The following OTOGL variants were observed in gnomAD, a reference collection of about 807,000 sequenced individuals.
OTOGL encodes the protein otogelin-like protein.
Under a neutral mutation model 318.5 loss-of-function variants are expected in OTOGL, and 285 were observed. That is an observed-to-expected ratio of 0.89 (90% CI 0.81 to 0.99). The LOEUF is 0.99. OTOGL is among the 50% of genes least tolerant of loss of function. OTOGL has a pLI of 0.00. For missense variants in OTOGL, 2,899 were observed against 2,845.6 expected, an observed-to-expected ratio of 1.02 and a Z score of -0.43; for synonymous variants, 987 against 936.5, an observed-to-expected ratio of 1.05 and a Z score of -0.99.
At chr12:80,220,318 T>G (rs2137348629) in intron 6 of OTOGL, among the ~76,000 whole-genome samples, 1 of 152,028 alleles carries the variant, frequency 6.6e-6, no homozygotes, top group East Asian at 1.9e-4. Context: ...CACCATCATG[T>G]CTGGCTAATT....
chr12:80,214,933 C>T (rs762911075), intron 4 of OTOGL, among the ~76,000 whole-genome samples: 58 of 152,190 alleles, frequency 3.8e-4, no homozygotes, highest in Non-Finnish European at 6.9e-4. Context: ...CATGTCACAC[C>T]TTAGCCTTGG....
chr12:80,125,594 A>C lies in OTOGL; in HGVS notation c.-20+25989A>C, dbSNP rs1870775599. Among the ~76,000 whole-genome samples, 4 of 152,104 alleles carry C rather than the reference A, an allele frequency of 2.6e-5. No individual in the cohort carries two copies. In the South Asian group the frequency reaches 8.3e-4, roughly 32 times the overall value. The stretch of plus-strand genomic sequence containing the variant: ...GATTCTCTCTTTTTCTATTGTTTGG[A>C]ATAGTTTCAGAAGGAATGGTACCAG... On this transcript the variant is annotated intron_variant, in intron 1 of 58. Transcript: ENST00000547103.
At chr12:80,273,122 A>G (rs542303619) in intron 24 of OTOGL, among the ~76,000 whole-genome samples, 38 of 152,158 alleles carry the variant, frequency 2.5e-4, no homozygotes, top group Non-Finnish European at 5.1e-4. Flanking sequence ...TTTACTGGCT[A>G]AATCTCATTA....
chr12:80,125,757 T>G (rs1253758958), intron 1 of OTOGL, among the ~76,000 whole-genome samples: 1 of 152,182 alleles, frequency 6.6e-6, no homozygotes, highest in Non-Finnish European at 1.5e-5. Flanking sequence ...TCTTCCTGGT[T>G]TAGTCTTCGG....
intron 11 of OTOGL, among the ~76,000 whole-genome samples, chr12:80,241,299 G>T (rs1880356072): frequency 6.6e-6 from 1 of 152,032 alleles, no homozygotes; most frequent in South Asian, 2.1e-4. Context: ...TATATGTATA[G>T]TCTCTAAATT....
At chr12:80,101,932 T>C (rs1347521591) in intron 1 of OTOGL, among the ~76,000 whole-genome samples, 1 of 152,234 alleles carries the variant, frequency 6.6e-6, no homozygotes, top group Non-Finnish European at 1.5e-5. Flanking sequence ...TCACATTTTT[T>C]ATTCCGGAGA....
chr12:80,194,857 G>A (rs923636989), intron 1 of OTOGL, among the ~76,000 whole-genome samples: 3 of 152,088 alleles, frequency 2.0e-5, no homozygotes, highest in Admixed American at 6.5e-5. Context: ...CATTGTACAA[G>A]CCACAAGCCA....
chr12:80,271,598 C>G, intron 23 of OTOGL, 50 bp from the exon 24 acceptor site: 1 of 1,554,618 alleles, frequency 6.4e-7, no homozygotes, highest in Non-Finnish European at 8.8e-7. Flanking sequence ...TCATATCTCC[C>G]ATGCCATGAC....
At chr12:80,364,181 T>G (rs552733555) in intron 52 of OTOGL, among the ~76,000 whole-genome samples, 32 of 152,272 alleles carry the variant, frequency 2.1e-4, no homozygotes, top group African/African-American at 7.5e-4. Context: ...CTTACCCAAA[T>G]ATACATAACC....
rs566610278 is a variant in OTOGL, at chr12:80,246,211, C to T, written c.1053-5482C>T. Among the ~76,000 whole-genome samples, 736 of 145,484 alleles carry T rather than the reference C, an allele frequency of 5.1e-3. 55 individuals carry two copies. The highest frequency in any genetic ancestry group is 0.018 in the African/African-American group (637 of 35,120). ...CTTCCAACACTATGTTGAATAGGAG[C>T]GGTGAGAGAGAGCATCCCTGTCTTG... On this transcript the variant is annotated intron_variant, in intron 11 of 58. Transcript: ENST00000547103.
At chr12:80,153,559 A>G (rs140663502) in intron 1 of OTOGL, among the ~76,000 whole-genome samples, 1 of 152,220 alleles carries the variant, frequency 6.6e-6, no homozygotes, top group East Asian at 1.9e-4. Context: ...CATCATAATC[A>G]CCCAAAGTCC....
intron 1 of OTOGL, among the ~76,000 whole-genome samples, chr12:80,162,478 G>A (rs917479997): frequency 2.6e-5 from 4 of 152,082 alleles, no homozygotes; most frequent in Non-Finnish European, 5.9e-5. Context: ...ACCACAAACT[G>A]AGTGACTTTA....
intron 1 of OTOGL, among the ~76,000 whole-genome samples, chr12:80,118,865 T>G (rs1329527169): frequency 8.5e-6 from 1 of 117,864 alleles, no homozygotes; most frequent in East Asian, 2.1e-4. Context: ...CTTAGATCTG[T>G]TTTTTTTTTT....
chr12:80,108,154 T>C (rs548829805), intron 1 of OTOGL, among the ~76,000 whole-genome samples: 1 of 152,258 alleles, frequency 6.6e-6, no homozygotes, highest in East Asian at 1.9e-4. Flanking sequence ...AGTTGGCAAA[T>C]AGATTTATTT....
intron 55 of OTOGL, among the ~76,000 whole-genome samples, chr12:80,368,530 A>G (rs1890694717): frequency 6.6e-6 from 1 of 152,102 alleles, no homozygotes; most frequent in Non-Finnish European, 1.5e-5. Context: ...TTATTTTATC[A>G]TAGATCTTCA....
rs138298934 is a variant in OTOGL at position 80,314,022 on chromosome 12, T to C, written c.3608-283T>C. Among the ~76,000 whole-genome samples the C allele has an allele frequency of 6.4e-3, 973 of 152,256 alleles. 4 individuals are homozygous for C. The highest frequency in any genetic ancestry group is 0.022 in the African/African-American group (910 of 41,574). On this transcript the variant is annotated intron_variant, in intron 31 of 58. Transcript: ENST00000547103. The stretch of plus-strand genomic sequence containing the variant: ...TTGACTCTTTAAGCTTTTAATTTAC[T>C]TGTGTAGGTGGTAAGATATCTGAAC...
At chr12:80,101,978 G>T (rs1869165359) in intron 1 of OTOGL, among the ~76,000 whole-genome samples, 1 of 152,174 alleles carries the variant, frequency 6.6e-6, no homozygotes, top group Non-Finnish European at 1.5e-5. Flanking sequence ...ATTGAATCAA[G>T]AAATGTTCTT....
At chr12:80,308,250 C>T (rs1182147111) in intron 29 of OTOGL, among the ~76,000 whole-genome samples, 51 of 150,078 alleles carry the variant, frequency 3.4e-4, no homozygotes, top group African/African-American at 8.6e-4. Flanking sequence ...ACTTCTCAGA[C>T]GGGGCGGCTG....
intron 11 of OTOGL, among the ~76,000 whole-genome samples, chr12:80,248,646 G>A (rs1333676627): frequency 7.7e-5 from 10 of 129,704 alleles, no homozygotes; most frequent in Non-Finnish European, 1.4e-4. Context: ...ATGTGTCTTG[G>A]AGTTGCTCTT....
Sources: allele counts gnomAD v4.1 joint callset (sites outside exome capture counted in the v4.1 genomes callset), GRCh38; gene constraint gnomAD v4.1.1; transcripts MANE v1.5; gene names NCBI Gene and HGNC (gene_info 2026-07-23, HGNC 2026-07-21).